The following SLC25A53 variants were observed in gnomAD, a reference collection of about 807,000 sequenced individuals.
SLC25A53 encodes mitochondrial carrier triple repeat protein 6.
Under a neutral mutation model 15.0 loss-of-function variants are expected in SLC25A53, and 5 were observed. The ratio of observed to expected loss-of-function variants is 0.33; its 90% confidence interval spans 0.17 to 0.70. The LOEUF (loss-of-function observed/expected upper bound fraction) is 0.70, where lower values mean the gene tolerates loss of function less well. Among genes scored for constraint, SLC25A53 ranks in the 30% least tolerant of loss-of-function variants. The pLI is 0.67. For synonymous variants in SLC25A53, 95 were observed against 100.0 expected, an observed-to-expected ratio of 0.95 and a Z score of 0.30; for missense variants, 216 against 241.6, an observed-to-expected ratio of 0.89 and a Z score of 0.70.
rs1321787168 is a variant in SLC25A53 at position 104,155,989 on chromosome X, T to C, written c.-32+889A>G. ...ATCACTTGAACCCGGCAGACGGAGG[T>C]TGCAGTGAGCGGAGATCACGCCACT... On this transcript the variant is annotated intron_variant, in intron 1 of 1. Coordinates refer to ENST00000594199, the MANE Select transcript of SLC25A53 (RefSeq NM_001012755.5). Among the ~76,000 whole-genome samples, 107 of 103,691 alleles carry C rather than the reference T, an allele frequency of 1.0e-3. 2 individuals carry two copies. The highest frequency in any genetic ancestry group is 9.4e-4 in the Admixed American group (9 of 9,550). 90.0% of individuals were successfully genotyped at this position (103,691 alleles called of 115,157 possible). A position where few individuals can be genotyped will look rare whatever the true frequency, so the allele number is the denominator to read the frequency against.
intron 1 of SLC25A53, among the ~76,000 whole-genome samples, chrX:104,111,439 C>A (rs2075342793): frequency 9.1e-6 from 1 of 109,506 alleles, no homozygotes; most frequent in African/African-American, 3.4e-5. Context: ...TCACAAAGGG[C>A]TGTCGAAATT....
chrX:104,123,133 C>A (rs1202108981), intron 1 of SLC25A53, among the ~76,000 whole-genome samples: 4 of 112,472 alleles, frequency 3.6e-5, no homozygotes, highest in African/African-American at 1.3e-4. Flanking sequence ...TCTCTGAGCA[C>A]CCTTGTAGAT....
At chrX:104,132,517 C>G (rs1309487248) in intron 1 of SLC25A53, among the ~76,000 whole-genome samples, 2 of 112,580 alleles carry the variant, frequency 1.8e-5, no homozygotes, top group Non-Finnish European at 3.7e-5. Context: ...TGGCTACACA[C>G]ACCACAGGTT....
intron 1 of SLC25A53, among the ~76,000 whole-genome samples, chrX:104,106,261 G>T (rs1390870333): frequency 3.6e-5 from 4 of 111,353 alleles, no homozygotes; most frequent in African/African-American, 1.3e-4. Context: ...AGTATGAGAA[G>T]CAACTTGGAA....
chrX:104,128,953 A>G (rs2075418418), intron 1 of SLC25A53, among the ~76,000 whole-genome samples: 1 of 112,056 alleles, frequency 8.9e-6, no homozygotes, highest in Admixed American at 9.5e-5. Context: ...TGATCAATAC[A>G]CAACCTTGTT....
intron 1 of SLC25A53, among the ~76,000 whole-genome samples, chrX:104,133,582 C>G (rs2075430297): frequency 9.0e-6 from 1 of 111,536 alleles, no homozygotes; most frequent in Non-Finnish European, 1.9e-5. Context: ...TTACTATTTA[C>G]TATGACCCCC....
At chrX:104,116,233 G>T (rs1351847534) in intron 1 of SLC25A53, among the ~76,000 whole-genome samples, 4 of 111,392 alleles carry the variant, frequency 3.6e-5, no homozygotes, top group African/African-American at 1.3e-4. Flanking sequence ...GGTGATAAAA[G>T]ATGACATGTG....
intron 1 of SLC25A53, among the ~76,000 whole-genome samples, chrX:104,136,672 T>A (rs1204147816): frequency 1.8e-5 from 2 of 112,315 alleles, no homozygotes; most frequent in East Asian, 5.6e-4. Flanking sequence ...CCCACTGCAC[T>A]GTGAAAATTC....
chrX:104,153,646 C>A (rs1266471234), intron 1 of SLC25A53, among the ~76,000 whole-genome samples: 1 of 111,856 alleles, frequency 8.9e-6, no homozygotes, highest in African/African-American at 3.3e-5. Context: ...GAGGTGTGAA[C>A]TCCACTGTAA....
intron 1 of SLC25A53, among the ~76,000 whole-genome samples, chrX:104,136,142 A>C (rs1161798000): frequency 6.3e-5 from 7 of 111,743 alleles, no homozygotes; most frequent in African/African-American, 2.3e-4. Flanking sequence ...TGTTACATAT[A>C]ACACACACAT....
rs1556360339 is a variant in SLC25A53, at chrX:104,114,277, CAGGGGAAA to C, written c.-31-8997_-31-8990del. ...GTTCTCAGGAAGAGTGGTGCCAGCC[CAGGGGAAA>C]GAAACCTTTGAAAACTGGCTGATCC... is the stretch of plus-strand genomic sequence containing the variant. On this transcript the variant is annotated intron_variant, in intron 1 of 1. Coordinates refer to ENST00000594199, the MANE Select transcript of SLC25A53 (RefSeq NM_001012755.5). 4 of 1,208,385 alleles carry C rather than the reference CAGGGGAAA, an allele frequency of 3.3e-6. No individual in the cohort carries two copies. The Admixed American group carries it at 8.8e-5, about 27-fold the overall frequency.
intron 1 of SLC25A53, chrX:104,114,384 G>A: frequency 8.3e-7 from 1 of 1,211,799 alleles, no homozygotes; most frequent in Non-Finnish European, 1.1e-6. Flanking sequence ...AAACACTTAG[G>A]GGCCCTGCCC....
chrX:104,105,110 T>C lies in SLC25A53; in HGVS notation c.148A>G (p.Lys50Glu). ...MSTFLTFPIY[K>E]VVFRQQIHAM... The stretch of plus-strand genomic sequence containing the variant: ...TGGATCTGTTGCCGGAACACAACCT[T>C]ATAGATAGGAAAGGTCAGAAAAGTA... Residue 50 changes from lysine (K) to glutamate (E), a missense_variant, in exon 2 of 2, where the codon AAG (lysine) becomes GAG (glutamate). By Grantham distance (56) the Lys-to-Glu change is moderately conservative (BLOSUM62 1). Transcript: ENST00000594199. 1 of 1,211,792 alleles carries C rather than the reference T, an allele frequency of 8.3e-7. No individual in the cohort carries two copies. Among genetic ancestry groups the C allele is most frequent in the Non-Finnish European group, 1.1e-6 (1 of 895,521 alleles).
intron 1 of SLC25A53, among the ~76,000 whole-genome samples, chrX:104,137,427 AC>A (rs1377256162): frequency 1.8e-5 from 2 of 110,093 alleles, no homozygotes; most frequent in East Asian, 2.8e-4. Context: ...GTAGCCCTGC[AC>A]CCCCCAAGCC....
intron 1 of SLC25A53, among the ~76,000 whole-genome samples, chrX:104,132,894 T>A (rs1467664429): frequency 9.0e-6 from 1 of 111,622 alleles, no homozygotes; most frequent in Non-Finnish European, 1.9e-5. Flanking sequence ...GGCAGAGCCC[T>A]GAATTCTGTG....
At chrX:104,106,822 C>T (rs1367732981) in intron 1 of SLC25A53, among the ~76,000 whole-genome samples, 1 of 110,435 alleles carries the variant, frequency 9.1e-6, no homozygotes, top group Admixed American at 9.5e-5. Context: ...TTCCTATCCC[C>T]ACTGCTGCAT....
At position 104,145,635 on chromosome X, in the gene SLC25A53, C is replaced by T. The variant is rs183037360; in HGVS notation, c.-32+11243G>A. On this transcript the variant is annotated intron_variant, in intron 1 of 1. Coordinates refer to ENST00000594199, the MANE Select transcript of SLC25A53 (RefSeq NM_001012755.5). Reference sequence around the variant, plus strand: ...AAAATGATAAAGGGGATATCACCACCGATCCCACAGAACTACAAACTACCA... The same window carrying T: ...AAAATGATAAAGGGGATATCACCACTGATCCCACAGAACTACAAACTACCA... Among the ~76,000 whole-genome samples, 667 of 111,681 alleles carry T rather than the reference C, an allele frequency of 6.0e-3. 10 individuals are homozygous for T. Among genetic ancestry groups the T allele is most frequent in the African/African-American group, 0.02 (609 of 30,771 alleles).
In SLC25A53 at chrX:104,104,696, C is replaced by T. The variant is rs1556354797; in HGVS notation, c.562G>A (p.Gly188Arg). 2 of 1,211,526 alleles carry T rather than the reference C, an allele frequency of 1.7e-6. No individual in the cohort carries two copies. Among genetic ancestry groups the T allele is most frequent in the Non-Finnish European group, 2.2e-6 (2 of 895,460 alleles). ...TTGAAAGAAAAATATAGAGCACTCC[C>T]CAGGCTGTTCCTGGCCAGGACAGGC... is the stretch of plus-strand genomic sequence containing the variant. ...FWPVLARNSL[G>R]SALYFSFKDP... is the part of the protein sequence containing the mutation. The change falls in exon 2 of 2, where the codon GGG becomes AGG. Residue 188 changes from glycine (G) to arginine (R), a missense_variant. By Grantham distance (125) the Gly-to-Arg change is moderately radical. Coordinates refer to ENST00000594199, the MANE Select transcript of SLC25A53 (RefSeq NM_001012755.5).
intron 1 of SLC25A53, among the ~76,000 whole-genome samples, chrX:104,147,039 C>G (rs2075469731): frequency 8.9e-6 from 1 of 111,917 alleles, no homozygotes; most frequent in Non-Finnish European, 1.9e-5. Context: ...ATCACACTAC[C>G]TCACTTCAAA....
Sources: allele counts gnomAD v4.1 joint callset (sites outside exome capture counted in the v4.1 genomes callset), GRCh38; gene constraint gnomAD v4.1.1; transcripts MANE v1.5; gene names NCBI Gene and HGNC (gene_info 2026-07-23, HGNC 2026-07-21).